ELP2: variants seen among roughly 807,000 people sequenced by gnomAD.
The protein encoded by ELP2 is elongator acetyltransferase complex subunit 2, also known as elongator complex protein 2.
ELP2 carries 90 observed loss-of-function variants against 119.2 expected under a neutral mutation model. The ratio of observed to expected loss-of-function variants is 0.75; its 90% CI spans 0.64 to 0.90. ELP2 has a LOEUF of 0.90. Ranked by LOEUF, ELP2 falls within the 40% of genes least tolerant of loss-of-function variation. The pLI is 0.00. For synonymous variants in ELP2, 339 were observed against 331.0 expected (o/e 1.02, Z -0.26); for missense variants, 921 against 967.8 (o/e 0.95, Z 0.64).
In ELP2 at chr18:36,154,887, T is replaced by C. The variant is rs577662697; in HGVS notation, c.1163T>C (p.Phe388Ser). 1 of 1,613,840 alleles carries C rather than the reference T, an allele frequency of 6.2e-7. No homozygotes were observed. Among genetic ancestry groups the C allele is most frequent in the South Asian group, 1.1e-5 (1 of 91,072 alleles). Residue 388 changes from phenylalanine (F) to serine (S), a missense_variant, in exon 12 of 22, where the codon TTT (phenylalanine) becomes TCT (serine). Phe to Ser is a radical substitution (Grantham distance 155). Coordinates refer to ENST00000358232, the MANE Select transcript of ELP2 (RefSeq NM_018255.4). Reference sequence around the variant, plus strand: ...CCAGAGATTGTCATTTCAGGACACTTTGATGGTGTCCAAGACCTAGTCTGG... The same window carrying C: ...CCAGAGATTGTCATTTCAGGACACTCTGATGGTGTCCAAGACCTAGTCTGG... ...WTPEIVISGH[F>S]DGVQDLVWDP... is the part of the protein sequence containing the mutation.
intron 1 of ELP2, among the ~76,000 whole-genome samples, chr18:36,131,868 T>G (rs2089644630): frequency 6.6e-6 from 1 of 151,730 alleles, no homozygotes; most frequent in Admixed American, 6.6e-5. Context: ...AATTTTAGCA[T>G]ATTGACAAAG....
At chr18:36,159,927 CA>C (rs1392150846) in intron 15 of ELP2, 30 bp from the exon 16 acceptor site, 1 of 1,612,556 alleles carries the variant, frequency 6.2e-7, no homozygotes, top group Admixed American at 1.7e-5. Flanking sequence ...TTCACTTTTA[CA>C]TAGAAAAAAA....
Position 36,129,935 on chromosome 18 carries a change from T to TG in ELP2, c.4dup (p.Val2?). On this transcript the variant is annotated frameshift_variant and start_lost, in exon 1 of 22. Coordinates refer to ENST00000358232, the MANE Select transcript of ELP2 (RefSeq NM_018255.4). LOFTEE classifies it high-confidence loss of function. ...TTGTGCGGCTGACCAGTTGGCGACATGGTGGCACCCGTGCTGGAGACTTCT... is the reference window on the plus strand; with the variant it reads ...TTGTGCGGCTGACCAGTTGGCGACATGGGTGGCACCCGTGCTGGAGACTTCT... 6.2e-7 allele frequency: 1 copy of TG among 1,614,176 alleles called. No individual in the cohort carries two copies. Among genetic ancestry groups the TG allele is most frequent in the Non-Finnish European group, 8.5e-7 (1 of 1,180,018 alleles).
chr18:36,151,834 G>C (rs139114109), intron 11 of ELP2, among the ~76,000 whole-genome samples: 1 of 144,360 alleles, frequency 6.9e-6, no homozygotes, highest in Admixed American at 7.3e-5. Flanking sequence ...CTGCACTCTC[G>C]CCTCCCTGGT....
chr18:36,130,266 G>T (rs2144536154), intron 1 of ELP2, among the ~76,000 whole-genome samples, 195 bp downstream of exon 1: 1 of 152,300 alleles, frequency 6.6e-6, no homozygotes, highest in Non-Finnish European at 1.5e-5. Context: ...GCCGTCTCAC[G>T]CGTGGCGTCA....
At chr18:36,158,603 G>C in intron 13 of ELP2, 1 of 447,500 alleles carries the variant, frequency 2.2e-6, no homozygotes, top group South Asian at 2.5e-5. Context: ...TTGCATGGGA[G>C]TTGGAGGCCT....
chr18:36,141,031 T>A lies in ELP2; in HGVS notation c.524-106T>A, dbSNP rs371863640. The A allele has an allele frequency of 5.5e-6, 5 of 901,574 alleles. No homozygotes were observed. The African/African-American group carries it at 8.2e-5, about 15-fold the overall frequency. 55.8% of individuals were successfully genotyped at this position (901,574 alleles called of 1,614,324 possible). ...ATTATTCGTGTAGTGGTGTGGGAAA[T>A]TGAAGTCAGGATTCTTTACTTAGAG... On this transcript the variant is annotated intron_variant, in intron 5 of 21. Transcript: ENST00000358232.
At chr18:36,161,326 G>T (rs555986106) in intron 17 of ELP2, among the ~76,000 whole-genome samples, 11 of 152,274 alleles carry the variant, frequency 7.2e-5, no homozygotes, top group African/African-American at 2.6e-4. Flanking sequence ...CCCAGAGGTG[G>T]AAGTTGCAGT....
Position 36,167,073 on chromosome 18 carries a change from G to C in ELP2, c.1955-28G>C, listed in dbSNP as rs1277827438. The C allele has an allele frequency of 6.4e-6, 10 of 1,570,302 alleles. No individual in the cohort carries two copies. In the South Asian group the frequency reaches 1.2e-4, roughly 20 times the overall value. On this transcript the variant is annotated intron_variant, in intron 18 of 21. Transcript: ENST00000358232. ...GTAAAAACCCAGCTTTCTCTGCTTT[G>C]TGAATAGTGTATACATATTTCTTTC...
chr18:36,164,485 AAG>A lies in ELP2; in HGVS notation c.1775_1776del (p.Glu592AlafsTer33). On this transcript the variant is annotated frameshift_variant, in exon 18 of 22. Transcript: ENST00000358232. LOFTEE classifies it high-confidence loss of function. ...ATCTCTGTCCTATAGGCAGCTAAGA[AAG>A]AGCATGCAGCTATCATTCTTTGGAA... 1 of 1,614,026 alleles carries A rather than the reference AAG, an allele frequency of 6.2e-7. No homozygotes were observed. The highest frequency in any genetic ancestry group is 8.5e-7 in the Non-Finnish European group (1 of 1,179,908).
At chr18:36,138,169 C>G in intron 3 of ELP2, 101 bp from the exon 4 acceptor site, 4 of 1,231,834 alleles carry the variant, frequency 3.2e-6, no homozygotes, top group Non-Finnish European at 4.7e-6. Flanking sequence ...CTTAGAGGAC[C>G]TATTTCTGGC....
intron 11 of ELP2, among the ~76,000 whole-genome samples, chr18:36,152,393 G>A (rs140812817): frequency 2.4e-4 from 37 of 152,276 alleles, no homozygotes; most frequent in African/African-American, 8.9e-4. Context: ...AGTTTAATAA[G>A]GCTTCTTGAA....
intron 1 of ELP2, among the ~76,000 whole-genome samples, chr18:36,132,170 G>A (rs2089657974): frequency 6.6e-6 from 1 of 152,074 alleles, no homozygotes; most frequent in African/African-American, 2.4e-5. Flanking sequence ...AAAGGCATGA[G>A]CCACCACACC....
chr18:36,169,943 G>A (rs1021528689), intron 19 of ELP2, 120 bp from the exon 20 acceptor site: 2 of 1,300,372 alleles, frequency 1.5e-6, no homozygotes, highest in Non-Finnish European at 2.2e-6. Flanking sequence ...CGAATGTAAT[G>A]ATGCATTTTT....
At chr18:36,156,310 A>G (rs2090570403) in intron 12 of ELP2, among the ~76,000 whole-genome samples, 156 bp from the exon 13 acceptor site, 4 of 152,168 alleles carry the variant, frequency 2.6e-5, no homozygotes, top group Admixed American at 6.5e-5. Context: ...GCTCTTGGTA[A>G]TTTTTACCAA....
chr18:36,135,618 C>G (rs890380278), intron 2 of ELP2, among the ~76,000 whole-genome samples: 1 of 152,112 alleles, frequency 6.6e-6, no homozygotes, highest in Non-Finnish European at 1.5e-5. Context: ...TGAGAAGTTG[C>G]AAGTATTTAA....
Position 36,142,861 on chromosome 18 carries a change from T to G in ELP2, c.691T>G (p.Cys231Gly), listed in dbSNP as rs1169231785. The G allele has an allele frequency of 6.2e-7, 1 of 1,606,806 alleles. No individual in the cohort carries two copies. Among genetic ancestry groups the G allele is most frequent in the South Asian group, 1.1e-5 (1 of 90,400 alleles). Reference sequence around the variant, plus strand: ...TTTCCTAGCAAGCTGTTCACAAGATTGCCTGATAAGAATATGGAAGCTGTA... The same window carrying G: ...TTTCCTAGCAAGCTGTTCACAAGATGGCCTGATAAGAATATGGAAGCTGTA... ...DLFLASCSQDCLIRIWKLYIK... is the reference protein window; with the variant it reads ...DLFLASCSQDGLIRIWKLYIK... The change falls in exon 8 of 22, where the codon TGC (cysteine) becomes GGC (glycine). Residue 231 changes from cysteine (C) to glycine (G), a missense_variant. Coordinates refer to ENST00000358232, the MANE Select transcript of ELP2 (RefSeq NM_018255.4).
chr18:36,147,976 A>G (rs1371829860), intron 11 of ELP2, among the ~76,000 whole-genome samples: 1 of 151,890 alleles, frequency 6.6e-6, no homozygotes, highest in Non-Finnish European at 1.5e-5. Context: ...AGGAACCTCC[A>G]TGTGCTTAGC....
intron 21 of ELP2, among the ~76,000 whole-genome samples, chr18:36,171,419 T>C (rs1221842538): frequency 6.6e-6 from 1 of 152,258 alleles, no homozygotes; most frequent in East Asian, 1.9e-4. Context: ...GAGATGAAAG[T>C]GATTTCCATA....
Sources: allele counts gnomAD v4.1 joint callset (sites outside exome capture counted in the v4.1 genomes callset), GRCh38; gene constraint gnomAD v4.1.1; transcripts MANE v1.5; gene names NCBI Gene and HGNC (gene_info 2026-07-23, HGNC 2026-07-21).